Variants in MID1 observed in about 807,000 individuals in gnomAD.
The protein encoded by MID1 is E3 ubiquitin-protein ligase Midline-1.
MID1 carries 7 observed loss-of-function variants against 40.4 expected under a neutral mutation model. That is an observed-to-expected ratio of 0.17 (90% CI 0.10 to 0.33). The LOEUF (loss-of-function observed/expected upper bound fraction) is 0.33. Among genes scored for constraint, MID1 ranks in the 10% least tolerant of loss-of-function variants. The probability of loss-of-function intolerance (pLI) is 1.00; values close to 1 mark genes in which losing one functional copy is unlikely to be tolerated. For synonymous variants in MID1, 229 were observed against 221.2 expected (o/e 1.04, Z -0.31); for missense variants, 367 against 558.5 (o/e 0.66, Z 3.46).
At chrX:10,716,859 T>C (rs1315803448) in intron 1 of MID1, among the ~76,000 whole-genome samples, 3 of 112,032 alleles carry the variant, frequency 2.7e-5, no homozygotes, top group Non-Finnish European at 5.6e-5. Context: ...GCAGAAACTC[T>C]ACAAGCCAGA....
intron 1 of MID1, among the ~76,000 whole-genome samples, chrX:10,654,935 AG>A (rs1405283046): frequency 1.8e-5 from 2 of 111,846 alleles, no homozygotes; most frequent in African/African-American, 6.6e-5. Flanking sequence ...GAGACACACC[AG>A]TGAAATAAAC....
At chrX:10,572,117 C>T (rs1490328085) in intron 1 of MID1, among the ~76,000 whole-genome samples, 1 of 107,582 alleles carries the variant, frequency 9.3e-6, no homozygotes, top group Non-Finnish European at 1.9e-5. Flanking sequence ...CTCTCTCTCT[C>T]TCTCTCTCTC....
intron 1 of MID1, among the ~76,000 whole-genome samples, chrX:10,700,958 C>T (rs1438448098): frequency 6.2e-5 from 7 of 112,263 alleles, no homozygotes; most frequent in Non-Finnish European, 1.1e-4. Context: ...GAGCAGCTTA[C>T]AAGCCTGGAC....
At chrX:10,729,217 G>A (rs1051324329) in intron 1 of MID1, among the ~76,000 whole-genome samples, 1 of 111,854 alleles carries the variant, frequency 8.9e-6, no homozygotes, top group African/African-American at 3.3e-5. Context: ...TTCTAAAGGA[G>A]AGGGTCACAT....
intron 1 of MID1, among the ~76,000 whole-genome samples, chrX:10,594,844 G>A (rs2147513331): frequency 9.0e-6 from 1 of 111,679 alleles, no homozygotes; most frequent in African/African-American, 3.3e-5. Flanking sequence ...GTGACTTAAT[G>A]GAAATAATAT....
At chrX:10,813,770 T>A (rs1340910863) in intron 1 of MID1, among the ~76,000 whole-genome samples, 2 of 111,830 alleles carry the variant, frequency 1.8e-5, no homozygotes, top group African/African-American at 3.3e-5. Context: ...GAAACCAAGA[T>A]AATTGCTCAT....
chrX:10,639,779 C>T (rs1180922543), intron 1 of MID1, among the ~76,000 whole-genome samples: 1 of 111,812 alleles, frequency 8.9e-6, no homozygotes, highest in Non-Finnish European at 1.9e-5. Flanking sequence ...GGTCGGGTTA[C>T]CCACAAAGGG....
chrX:10,592,274 TAAAAAAA>T (rs144661774), intron 1 of MID1, among the ~76,000 whole-genome samples: 2 of 28,235 alleles, frequency 7.1e-5, no homozygotes, highest in African/African-American at 2.8e-4. Context: ...GGGACTGCGT[TAAAAAAA>T]AAAAAAAAAA....
At chrX:10,481,963 T>C (rs778357516) in intron 5 of MID1, among the ~76,000 whole-genome samples, 2 of 112,009 alleles carry the variant, frequency 1.8e-5, no homozygotes, top group Non-Finnish European at 3.8e-5. Context: ...TTTGGTCCTT[T>C]CTCTCCTGCG....
At chrX:10,490,772 T>C (rs1482704984) in intron 4 of MID1, among the ~76,000 whole-genome samples, 3 of 112,301 alleles carry the variant, frequency 2.7e-5, no homozygotes, top group Non-Finnish European at 5.6e-5. Flanking sequence ...CTGGAACTTC[T>C]GTTAAAGTAA....
intron 2 of MID1, among the ~76,000 whole-genome samples, chrX:10,527,796 G>A (rs941489915): frequency 2.7e-5 from 3 of 111,559 alleles, no homozygotes; most frequent in Admixed American, 9.5e-5. Context: ...CCCACAGGGC[G>A]CAATTGGGAG....
At chrX:10,465,630 G>T (rs73202007) in intron 7 of MID1, among the ~76,000 whole-genome samples, 3,017 of 111,286 alleles carry the variant, frequency 0.027, 35 homozygotes, top group Non-Finnish European at 0.044. Flanking sequence ...AGGTTTGGAG[G>T]TGACAGATTT....
chrX:10,617,543 T>A (rs757738023), intron 1 of MID1, among the ~76,000 whole-genome samples: 6 of 111,771 alleles, frequency 5.4e-5, no homozygotes, highest in Non-Finnish European at 9.4e-5. Context: ...TCCCTTAGAG[T>A]TTTTTTTCTA....
chrX:10,709,426 G>A (rs1034591747), intron 1 of MID1, among the ~76,000 whole-genome samples: 12 of 112,198 alleles, frequency 1.1e-4, no homozygotes, highest in South Asian at 3.7e-4. Context: ...ATAGAGTTCC[G>A]GGTCTTTTAA....
chrX:10,544,139 C>T (rs1466345837), intron 2 of MID1, among the ~76,000 whole-genome samples: 1 of 112,087 alleles, frequency 8.9e-6, no homozygotes, highest in Non-Finnish European at 1.9e-5. Flanking sequence ...CATTTGACTT[C>T]TGGAGCAAAT....
chrX:10,533,436 A>G (rs1011604964), intron 2 of MID1, among the ~76,000 whole-genome samples: 4 of 95,865 alleles, frequency 4.2e-5, no homozygotes, highest in Non-Finnish European at 6.2e-5. Flanking sequence ...AGAAAGAAAG[A>G]GAAAGAAAAG....
intron 1 of MID1, among the ~76,000 whole-genome samples, chrX:10,648,226 G>C (rs1029798735): frequency 3.6e-5 from 4 of 111,926 alleles, no homozygotes; most frequent in African/African-American, 9.7e-5. Context: ...GCTGAGGATG[G>C]CAGAGTGGAA....
chrX:10,575,762 T>C (rs975429402), intron 1 of MID1, among the ~76,000 whole-genome samples: 1 of 111,105 alleles, frequency 9.0e-6, no homozygotes, highest in Non-Finnish European at 1.9e-5. Context: ...ATTGATAGCA[T>C]AATGTAGGCT....
At chrX:10,543,550 G>A in intron 2 of MID1, among the ~76,000 whole-genome samples, 1 of 111,451 alleles carries the variant, frequency 9.0e-6, no homozygotes, top group Non-Finnish European at 1.9e-5. Flanking sequence ...GTGATGGAGA[G>A]ATGAACTCAG....
Sources: allele counts gnomAD v4.1 joint callset (sites outside exome capture counted in the v4.1 genomes callset), GRCh38; gene constraint gnomAD v4.1.1; transcripts MANE v1.5; gene names NCBI Gene and HGNC (gene_info 2026-07-23, HGNC 2026-07-21).